The following FAM110B variants were observed in gnomAD, a reference collection of about 807,000 sequenced individuals.
FAM110B encodes the protein protein FAM110B.
A neutral mutation model predicts 20.4 loss-of-function variants in FAM110B; 6 were observed. That is an observed-to-expected ratio of 0.29 (90% CI 0.16 to 0.58). The LOEUF (loss-of-function observed/expected upper bound fraction) is 0.58. FAM110B is among the 20% of genes least tolerant of loss of function. The pLI, the probability that FAM110B is intolerant of heterozygous loss-of-function variation, is 0.90. For missense variants in FAM110B, 434 were observed against 498.2 expected (o/e 0.87, Z 1.23); for synonymous variants, 226 against 214.1 (o/e 1.06, Z -0.49).
chr8:58,072,661 G>T (rs938627022), intron 2 of FAM110B, among the ~76,000 whole-genome samples: 11 of 152,158 alleles, frequency 7.2e-5, no homozygotes, highest in African/African-American at 2.4e-4. Context: ...AAATTCCATA[G>T]CTCTTTACTG....
chr8:58,035,327 C>T (rs1805055157), intron 2 of FAM110B, among the ~76,000 whole-genome samples: 1 of 152,132 alleles, frequency 6.6e-6, no homozygotes, highest in African/African-American at 2.4e-5. Flanking sequence ...TCATCTCATA[C>T]CTAAATTAAA....
chr8:58,114,763 A>G (rs1223151825), intron 3 of FAM110B, among the ~76,000 whole-genome samples: 2 of 152,186 alleles, frequency 1.3e-5, no homozygotes, highest in African/African-American at 4.8e-5. Context: ...TGACTTAATA[A>G]TCCTAGGAGA....
intron 1 of FAM110B, among the ~76,000 whole-genome samples, chr8:57,997,835 T>C (rs1031963987): frequency 6.6e-6 from 1 of 152,148 alleles, no homozygotes; most frequent in Non-Finnish European, 1.5e-5. Flanking sequence ...AAATCCTCGA[T>C]GGTTGATGGT....
chr8:58,113,130 A>T, intron 3 of FAM110B: 1 of 150,680 alleles, frequency 6.6e-6, no homozygotes, highest in African/African-American at 2.4e-5. Context: ...CCTCCCAAAG[A>T]TCTTGCCTTT....
intron 2 of FAM110B, among the ~76,000 whole-genome samples, chr8:58,067,153 T>C (rs1375957275): frequency 6.6e-6 from 1 of 152,222 alleles, no homozygotes; most frequent in African/African-American, 2.4e-5. Context: ...GTTGTAACAA[T>C]TCTATGTGAA....
At chr8:58,035,349 T>A (rs969934918) in intron 2 of FAM110B, among the ~76,000 whole-genome samples, 12 of 152,254 alleles carry the variant, frequency 7.9e-5, no homozygotes, top group African/African-American at 2.9e-4. Context: ...GAGATGTGTT[T>A]AACAAACTTT....
chr8:58,068,796 A>G (rs960492685), intron 2 of FAM110B, among the ~76,000 whole-genome samples: 34 of 152,188 alleles, frequency 2.2e-4, no homozygotes, highest in African/African-American at 8.2e-4. Flanking sequence ...GAAAAGAAGT[A>G]GATAAACAAC....
intron 3 of FAM110B, among the ~76,000 whole-genome samples, chr8:58,094,493 T>G (rs1355158511): frequency 6.6e-6 from 1 of 152,232 alleles, no homozygotes; most frequent in African/African-American, 2.4e-5. Flanking sequence ...CTTTTCTGCA[T>G]CTATCGAGAT....
chr8:58,052,772 C>CT (rs71248165), intron 2 of FAM110B, among the ~76,000 whole-genome samples: 690 of 52,332 alleles, frequency 0.013, 106 homozygotes, highest in Non-Finnish European at 0.02. Flanking sequence ...GTGATGGACT[C>CT]TTTTTTTTTT....
chr8:58,139,497 TC>T (rs1803693185), intron 3 of FAM110B, among the ~76,000 whole-genome samples: 1 of 152,228 alleles, frequency 6.6e-6, no homozygotes, highest in Non-Finnish European at 1.5e-5. Context: ...GCAAAGTCAG[TC>T]TTTTTTGGTC....
At chr8:58,134,785 A>C (rs1157597263) in intron 3 of FAM110B, among the ~76,000 whole-genome samples, 3 of 152,242 alleles carry the variant, frequency 2.0e-5, no homozygotes, top group Non-Finnish European at 4.4e-5. Context: ...AAGAAGGAAA[A>C]TTTAAAATGA....
intron 3 of FAM110B, among the ~76,000 whole-genome samples, chr8:58,093,671 T>G (rs755513737): frequency 6.6e-6 from 1 of 152,196 alleles, no homozygotes; most frequent in Non-Finnish European, 1.5e-5. Flanking sequence ...TAGTTTGAAG[T>G]CAGCTAGCAT....
intron 3 of FAM110B, among the ~76,000 whole-genome samples, chr8:58,103,492 G>A (rs2150613213): frequency 6.6e-6 from 1 of 152,194 alleles, no homozygotes; most frequent in East Asian, 1.9e-4. Flanking sequence ...CCCCTACAAA[G>A]GACATGAACT....
intron 2 of FAM110B, among the ~76,000 whole-genome samples, chr8:58,041,386 A>G (rs555445475): frequency 1.3e-5 from 2 of 152,184 alleles, no homozygotes; most frequent in African/African-American, 2.4e-5. Flanking sequence ...CTCTTCTCCT[A>G]TGTTACCCTT....
intron 3 of FAM110B, among the ~76,000 whole-genome samples, chr8:58,104,487 AT>A (rs1204327649): frequency 6.6e-6 from 1 of 152,194 alleles, no homozygotes; most frequent in Non-Finnish European, 1.5e-5. Context: ...AAATATAGTG[AT>A]TGTAGATTTT....
intron 2 of FAM110B, among the ~76,000 whole-genome samples, chr8:58,060,430 CAG>C (rs1805631513): frequency 6.6e-6 from 1 of 152,200 alleles, no homozygotes; most frequent in Non-Finnish European, 1.5e-5. Flanking sequence ...GCACAGACTA[CAG>C]AGTGGCCCAA....
At chr8:58,075,262 C>CTTTT (rs67819278) in intron 2 of FAM110B, among the ~76,000 whole-genome samples, 20 of 125,004 alleles carry the variant, frequency 1.6e-4, no homozygotes, top group African/African-American at 5.4e-4. Context: ...CTAATTTTTG[C>CTTTT]TTTTTTTTTT....
intron 2 of FAM110B, among the ~76,000 whole-genome samples, chr8:58,067,832 A>G (rs959034275): frequency 1.3e-5 from 2 of 152,200 alleles, no homozygotes; most frequent in African/African-American, 2.4e-5. Context: ...AAGTTCAAAG[A>G]CAAGAGGACT....
Position 58,070,464 on chromosome 8 carries a change from A to C in FAM110B, c.-413-5071A>C, listed in dbSNP as rs188030621. 3.3e-5 allele frequency: 5 copies of C among 152,336 alleles called. No individual in the cohort carries two copies. In the East Asian group the frequency reaches 7.7e-4, roughly 23 times the overall value. 9.4% of individuals were successfully genotyped at this position (152,336 alleles called of 1,614,324 possible). On this transcript the variant is annotated intron_variant, in intron 2 of 3. Transcript: ENST00000519262. ...AGTATGTTCATCGTGTCATCTGTTT[A>C]ATCTGATCTTGCTTTGTTAATACCA...
Sources: gnomAD v4.1 joint callset for allele counts (sites outside exome capture counted in the v4.1 genomes callset) on GRCh38, gnomAD v4.1.1 for gene constraint, MANE v1.5 for transcripts, NCBI Gene and HGNC (gene_info 2026-07-23, HGNC 2026-07-21) for gene names.